Variants in RAD51B observed in about 807,000 individuals in gnomAD.
RAD51B encodes RAD51 paralog B, also known as DNA repair protein RAD51 homolog 2.
A neutral mutation model predicts 42.2 loss-of-function variants in RAD51B; 38 were observed. That is an observed-to-expected ratio of 0.90 (90% CI 0.70 to 1.18). The LOEUF is 1.18. RAD51B is among the 50% of genes most tolerant of loss of function. The pLI, the probability that RAD51B is intolerant of heterozygous loss-of-function variation, is 0.00. For synonymous variants in RAD51B, 154 were observed against 145.2 expected (o/e 1.06, Z -0.43); for missense variants, 373 against 400.7 (o/e 0.93, Z 0.59).
chr14:68,087,613 G>C (rs537699562), intron 7 of RAD51B, among the ~76,000 whole-genome samples: 229 of 151,624 alleles, frequency 1.5e-3, no homozygotes, highest in African/African-American at 5.3e-3. Flanking sequence ...TGGCTCCATC[G>C]GTGATTGAGC....
chr14:68,505,237 AT>A (rs1387818401), intron 10 of RAD51B, among the ~76,000 whole-genome samples: 2 of 152,228 alleles, frequency 1.3e-5, no homozygotes, highest in Admixed American at 6.5e-5. Flanking sequence ...CACACAGCTA[AT>A]TCATCCCTGT....
chr14:67,997,513 T>TG, intron 7 of RAD51B, among the ~76,000 whole-genome samples: 1 of 152,220 alleles, frequency 6.6e-6, no homozygotes, highest in Non-Finnish European at 1.5e-5. Flanking sequence ...GGCCTCTAGC[T>TG]GCCTCCAACC....
At chr14:67,998,144 A>G (rs1337846947) in intron 7 of RAD51B, among the ~76,000 whole-genome samples, 1 of 152,158 alleles carries the variant, frequency 6.6e-6, no homozygotes, top group Non-Finnish European at 1.5e-5. Context: ...ATACATCTCT[A>G]AGTTATTGTG....
intron 7 of RAD51B, among the ~76,000 whole-genome samples, chr14:68,180,524 C>T (rs1000739881): frequency 5.9e-5 from 9 of 152,204 alleles, no homozygotes; most frequent in East Asian, 1.9e-4. Flanking sequence ...ATTTCAGGCA[C>T]GATAAGGTTA....
At chr14:68,594,139 C>G (rs1409092288) in intron 10 of RAD51B, among the ~76,000 whole-genome samples, 1 of 152,104 alleles carries the variant, frequency 6.6e-6, no homozygotes, top group Non-Finnish European at 1.5e-5. Context: ...TCCCCACCCC[C>G]ACACGCCTTT....
At chr14:68,407,255 G>A (rs932300369) in intron 8 of RAD51B, among the ~76,000 whole-genome samples, 1 of 152,036 alleles carries the variant, frequency 6.6e-6, no homozygotes, top group Admixed American at 6.6e-5. Flanking sequence ...TAAAAGTGTA[G>A]TAACTACATA....
intron 10 of RAD51B, among the ~76,000 whole-genome samples, chr14:68,634,306 A>T (rs1252434337): frequency 6.6e-6 from 1 of 152,166 alleles, no homozygotes; most frequent in Non-Finnish European, 1.5e-5. Context: ...TTACTAGTAC[A>T]CCATCCCAAA....
intron 10 of RAD51B, among the ~76,000 whole-genome samples, chr14:68,509,557 A>G (rs1046254617): frequency 3.3e-5 from 5 of 152,264 alleles, no homozygotes; most frequent in African/African-American, 1.2e-4. Flanking sequence ...ACTTTCCTGA[A>G]GAATGATGTT....
intron 7 of RAD51B, among the ~76,000 whole-genome samples, chr14:68,232,484 A>G (rs913979680): frequency 3.3e-5 from 5 of 152,242 alleles, no homozygotes; most frequent in African/African-American, 1.2e-4. Context: ...TGCTAGGTGC[A>G]TTGCATACAC....
In RAD51B at chr14:68,573,980, A is replaced by ATGTGTGTGTGTG. The variant is rs58865001; in HGVS notation, c.1037-20490_1037-20479dup. Among the ~76,000 whole-genome samples, 1,162 of 149,806 alleles carry ATGTGTGTGTGTG rather than the reference A, an allele frequency of 7.8e-3. 13 individuals carry two copies. Among genetic ancestry groups the ATGTGTGTGTGTG allele is most frequent in the African/African-American group, 0.025 (1,010 of 40,718 alleles). The stretch of plus-strand genomic sequence containing the variant: ...TGTGGGTGTGGGTGTCAGTGTGTGT[A>ATGTGTGTGTGTG]TGTGTGTGTGTGTGTGTGTGTGTGT... On this transcript the variant is annotated intron_variant, in intron 10 of 10. Transcript: ENST00000487270.
chr14:68,206,132 T>C (rs1367070903), intron 7 of RAD51B, among the ~76,000 whole-genome samples: 2 of 152,176 alleles, frequency 1.3e-5, no homozygotes, highest in African/African-American at 2.4e-5. Flanking sequence ...AAGCCCCCCC[T>C]CTTGCTTTTT....
chr14:68,400,111 C>A (rs1468735237), intron 8 of RAD51B, among the ~76,000 whole-genome samples: 6 of 152,308 alleles, frequency 3.9e-5, no homozygotes, highest in Middle Eastern at 3.4e-3. Flanking sequence ...AAGGCCTGGG[C>A]AAAGGACCCT....
chr14:67,995,912 C>T (rs1352001401), intron 7 of RAD51B, among the ~76,000 whole-genome samples: 7 of 152,130 alleles, frequency 4.6e-5, no homozygotes, highest in Non-Finnish European at 7.4e-5. Flanking sequence ...CCACCGCGCC[C>T]GGCCTATATT....
intron 11 of RAD51B, among the ~76,000 whole-genome samples, chr14:68,672,409 C>A (rs558087585): frequency 6.6e-6 from 1 of 152,200 alleles, no homozygotes; most frequent in South Asian, 2.1e-4. Flanking sequence ...GAGACAAGGG[C>A]CTTTCTGCCG....
intron 7 of RAD51B, chr14:68,236,502 T>A (rs1399780597): frequency 6.6e-6 from 1 of 152,308 alleles, no homozygotes; most frequent in Non-Finnish European, 1.5e-5. Context: ...TCAGCCTCTC[T>A]GGGAGCTGGG....
intron 7 of RAD51B, among the ~76,000 whole-genome samples, chr14:68,210,089 A>G (rs562590592): frequency 1.3e-5 from 2 of 151,308 alleles, no homozygotes; most frequent in African/African-American, 4.9e-5. Flanking sequence ...CCTCCTGAGG[A>G]GCTAGGACAA....
intron 10 of RAD51B, among the ~76,000 whole-genome samples, chr14:68,631,916 A>G (rs7152224): frequency 0.17 from 25,818 of 152,116 alleles, 2,440 homozygotes; most frequent in Admixed American, 0.21. Context: ...GAGTTTGAAG[A>G]TGAGATTTCT....
chr14:67,865,190 C>T (rs1229573104), intron 5 of RAD51B, 51 bp downstream of exon 5: 3 of 1,449,244 alleles, frequency 2.1e-6, no homozygotes, highest in African/African-American at 1.4e-5. Flanking sequence ...AACTTATATA[C>T]AGCATGAAAC....
intron 8 of RAD51B, among the ~76,000 whole-genome samples, chr14:68,330,209 T>C (rs914109699): frequency 1.6e-4 from 24 of 152,096 alleles, no homozygotes; most frequent in African/African-American, 4.8e-5. Context: ...TGGAAAGCAA[T>C]TGAAATGATT....
Sources: gnomAD v4.1 joint callset for allele counts (sites outside exome capture counted in the v4.1 genomes callset) on GRCh38, gnomAD v4.1.1 for gene constraint, MANE v1.5 for transcripts, NCBI Gene and HGNC (gene_info 2026-07-23, HGNC 2026-07-21) for gene names.